XPNPEP3: variants seen among roughly 807,000 people sequenced by gnomAD.
XPNPEP3 encodes the protein xaa-Pro aminopeptidase 3.
Under a neutral mutation model 60.0 loss-of-function variants are expected in XPNPEP3, and 41 were observed. That is an observed-to-expected ratio of 0.68 (90% CI 0.53 to 0.89). The LOEUF is 0.89. Ranked by LOEUF, XPNPEP3 falls within the 40% of genes least tolerant of loss-of-function variation. The pLI is 0.00. For missense variants in XPNPEP3, 598 were observed against 638.9 expected (o/e 0.94, Z 0.69); for synonymous variants, 212 against 223.2 (o/e 0.95, Z 0.45).
intron 9 of XPNPEP3, among the ~76,000 whole-genome samples, chr22:40,925,375 C>G (rs1017931636): frequency 6.6e-6 from 1 of 152,166 alleles, no homozygotes; most frequent in Non-Finnish European, 1.5e-5. Context: ...GTTTTGAAAA[C>G]AGATCTAAAT....
At chr22:40,881,064 G>T (rs1035176765) in intron 2 of XPNPEP3, among the ~76,000 whole-genome samples, 1 of 151,840 alleles carries the variant, frequency 6.6e-6, no homozygotes, top group Non-Finnish European at 1.5e-5. Flanking sequence ...TTATTATTTT[G>T]AGATGGAGTC....
chr22:40,921,547 G>A (rs1299483495), intron 7 of XPNPEP3, among the ~76,000 whole-genome samples: 1 of 151,712 alleles, frequency 6.6e-6, no homozygotes, highest in Non-Finnish European at 1.5e-5. Flanking sequence ...GTGGTGGGCT[G>A]GGGTATGGGT....
intron 6 of XPNPEP3, among the ~76,000 whole-genome samples, chr22:40,913,911 G>A (rs1341264035): frequency 6.6e-6 from 1 of 152,080 alleles, no homozygotes; most frequent in Non-Finnish European, 1.5e-5. Context: ...TTGGGAGGCC[G>A]AGGCAGGCAG....
intron 2 of XPNPEP3, chr22:40,870,416 T>A (rs987175955): frequency 5.5e-6 from 1 of 181,028 alleles, no homozygotes; most frequent in Non-Finnish European, 1.2e-5. Context: ...AATAAATATG[T>A]ACACGTATAT....
chr22:40,899,215 C>T (rs895953922), intron 4 of XPNPEP3, among the ~76,000 whole-genome samples: 1 of 151,990 alleles, frequency 6.6e-6, no homozygotes, highest in African/African-American at 2.4e-5. Context: ...TCTCAGCTGA[C>T]TCATCAAAAA....
At chr22:40,914,192 T>C (rs777846032) in intron 6 of XPNPEP3, 47 bp from the exon 7 acceptor site, 1 of 1,503,822 alleles carries the variant, frequency 6.6e-7, no homozygotes, top group South Asian at 1.1e-5. Context: ...TAGAAACAAC[T>C]TATAATCATG....
At chr22:40,872,857 A>G (rs982590415) in intron 2 of XPNPEP3, among the ~76,000 whole-genome samples, 1 of 152,186 alleles carries the variant, frequency 6.6e-6, no homozygotes, top group Admixed American at 6.5e-5. Flanking sequence ...GCAGGACAGC[A>G]AGACATTCAT....
intron 8 of XPNPEP3, among the ~76,000 whole-genome samples, chr22:40,923,226 AAGAG>A (rs959114559): frequency 4.6e-5 from 7 of 151,834 alleles, no homozygotes; most frequent in East Asian, 3.9e-4. Context: ...AAAAAAAAAA[AAGAG>A]AGAGAGATTA....
chr22:40,921,012 G>A (rs141439269), intron 7 of XPNPEP3, among the ~76,000 whole-genome samples: 4,528 of 152,192 alleles, frequency 0.03, 193 homozygotes, highest in African/African-American at 0.1. Flanking sequence ...GGCTGGTCTC[G>A]AACTCCCGAC....
chr22:40,859,582 T>G (rs2057928866), intron 1 of XPNPEP3: 1 of 152,220 alleles, frequency 6.6e-6, no homozygotes, highest in Non-Finnish European at 1.5e-5. Flanking sequence ...TATTTTATTT[T>G]CTGAAAATAA....
chr22:40,871,246 G>A (rs1394974034), intron 2 of XPNPEP3, among the ~76,000 whole-genome samples: 2 of 152,132 alleles, frequency 1.3e-5, no homozygotes, highest in East Asian at 3.9e-4. Flanking sequence ...TCAGCTACTC[G>A]GGGGACTCAG....
chr22:40,919,561 C>T (rs1472775145), intron 7 of XPNPEP3, among the ~76,000 whole-genome samples: 2 of 152,144 alleles, frequency 1.3e-5, no homozygotes, highest in East Asian at 3.9e-4. Flanking sequence ...GACACGGTTT[C>T]GCTATGTTGC....
chr22:40,905,307 C>T (rs2058150424), intron 4 of XPNPEP3, among the ~76,000 whole-genome samples: 1 of 151,876 alleles, frequency 6.6e-6, no homozygotes, highest in African/African-American at 2.4e-5. Flanking sequence ...ATCTTGATCT[C>T]TCCACCTCGT....
intron 1 of XPNPEP3, among the ~76,000 whole-genome samples, chr22:40,858,219 C>A (rs940833605): frequency 2.6e-5 from 4 of 152,036 alleles, no homozygotes; most frequent in Non-Finnish European, 5.9e-5. Flanking sequence ...AATTCTCGTG[C>A]CTCAGCCTCC....
At chr22:40,860,731 C>A in intron 1 of XPNPEP3, 1 of 844,122 alleles carries the variant, frequency 1.2e-6, no homozygotes, top group Non-Finnish European at 1.8e-6. Flanking sequence ...CATTACACTG[C>A]AACCTATGTC....
rs1309925693 is a variant in XPNPEP3 at position 40,909,792 on chromosome 22, ATAAATATT to A, written c.969+578_969+585del. Among the ~76,000 whole-genome samples the A allele has an allele frequency of 1.2e-3, 180 of 151,574 alleles. 1 individual carries two copies. Among genetic ancestry groups the A allele is most frequent in the Admixed American group, 2.7e-3 (41 of 15,206 alleles). ...TGTCTCTAAATAAATAAATAAATAA[ATAAATATT>A]TAAATATTTAAATATTTAAAAACCT... On this transcript the variant is annotated intron_variant, in intron 6 of 9. Coordinates refer to ENST00000357137, the MANE Select transcript of XPNPEP3 (RefSeq NM_022098.4).
intron 3 of XPNPEP3, among the ~76,000 whole-genome samples, chr22:40,884,526 G>T (rs1326773113): frequency 6.6e-6 from 1 of 150,490 alleles, no homozygotes; most frequent in African/African-American, 2.4e-5. Flanking sequence ...TAGAGACAAG[G>T]TTTTACCATG....
Position 40,928,143 on chromosome 22 carries a change from T to C in XPNPEP3, c.*1708T>C, listed in dbSNP as rs1179292893. ...CTACCAAGTACCCGTAAATATCCTA[T>C]GATTCTTATCTTTCTTTGATACTAG... On this transcript the variant is annotated 3_prime_UTR_variant, in exon 10 of 10. Transcript: ENST00000357137. The C allele has an allele frequency of 6.6e-6, 1 of 151,690 alleles. No individual in the cohort carries two copies. The highest frequency in any genetic ancestry group is 1.5e-5 in the Non-Finnish European group (1 of 67,972). The allele number at this position is 151,690 out of a possible 1,614,324, so 9.4% of individuals were successfully genotyped here.
intron 1 of XPNPEP3, chr22:40,860,659 T>A: frequency 2.5e-6 from 3 of 1,184,616 alleles, no homozygotes; most frequent in Non-Finnish European, 3.4e-6. Context: ...CAAATTCCTT[T>A]TTTTTTTTTT....
Sources: allele counts gnomAD v4.1 joint callset (sites outside exome capture counted in the v4.1 genomes callset), GRCh38; gene constraint gnomAD v4.1.1; transcripts MANE v1.5; gene names NCBI Gene and HGNC (gene_info 2026-07-23, HGNC 2026-07-21).